The following EXOC7 variants were observed in gnomAD, a reference collection of about 807,000 sequenced individuals.
EXOC7 encodes exocyst complex component 7.
A neutral mutation model predicts 87.6 loss-of-function variants in EXOC7; 51 were observed. That is an observed-to-expected ratio of 0.58 (90% CI 0.46 to 0.73). EXOC7 has a LOEUF of 0.73. EXOC7 is among the 30% of genes least tolerant of loss of function. The pLI, the probability that EXOC7 is intolerant of heterozygous loss-of-function variation, is 0.00. For missense variants in EXOC7, 744 were observed against 888.4 expected, an observed-to-expected ratio of 0.84 and a Z score of 2.07; for synonymous variants, 327 against 357.1, an observed-to-expected ratio of 0.92 and a Z score of 0.95.
At chr17:76,096,568 CTTCCT>C (rs2067766453) in intron 5 of EXOC7, among the ~76,000 whole-genome samples, 1 of 138,526 alleles carries the variant, frequency 7.2e-6, no homozygotes, top group Admixed American at 7.2e-5. Flanking sequence ...GTTTTTCTTT[CTTCCT>C]TTCTTTTTTT....
rs567127929 is a variant in EXOC7, at chr17:76,085,233, C to G, written c.1712+81G>C. ...GGACAGGAGTTCCCCGTGACCGACT[C>G]TGTGTCCTGAGGTGCTGAGAAGGAA... On this transcript the variant is annotated intron_variant, in intron 15 of 18. Coordinates refer to ENST00000589210, the MANE Select transcript of EXOC7 (RefSeq NM_001013839.4). 166 of 1,174,068 alleles carry G rather than the reference C, an allele frequency of 1.4e-4. 1 individual carries two copies. In the African/African-American group the frequency reaches 1.9e-3, roughly 14 times the overall value. 72.7% of individuals were successfully genotyped at this position (1,174,068 alleles called of 1,614,324 possible). A position where few individuals can be genotyped will look rare whatever the true frequency, so the allele number is the denominator to read the frequency against.
chr17:76,081,112 A>C lies in EXOC7; in HGVS notation c.*2536T>G. 1 of 894,982 alleles carries C rather than the reference A, an allele frequency of 1.1e-6. No homozygotes were observed. The highest frequency in any genetic ancestry group is 1.7e-6 in the Non-Finnish European group (1 of 583,568). 55.4% of individuals were successfully genotyped at this position (894,982 alleles called of 1,614,324 possible). A position where few individuals can be genotyped will look rare whatever the true frequency, so the allele number is the denominator to read the frequency against. On this transcript the variant is annotated 3_prime_UTR_variant, in exon 19 of 19. Coordinates refer to ENST00000589210, the MANE Select transcript of EXOC7 (RefSeq NM_001013839.4). ...ACTGGAGACAATTTGGGATGTTGCA[A>C]AACAAGGTTTGGGAAGCCCTTCTAT...
chr17:76,084,166 A>G (rs368760014), intron 17 of EXOC7, 27 bp from the exon 18 acceptor site: 4 of 1,592,982 alleles, frequency 2.5e-6, no homozygotes, highest in Non-Finnish European at 3.4e-6. Flanking sequence ...TGAAAAAGGA[A>G]GGCACCCAGA....
intron 5 of EXOC7, among the ~76,000 whole-genome samples, chr17:76,096,620 C>T (rs1028649161): frequency 6.6e-6 from 1 of 151,532 alleles, no homozygotes; most frequent in Admixed American, 6.6e-5. Context: ...CAGGCTGGAG[C>T]GCAATAGTGC....
chr17:76,086,007 G>A, intron 13 of EXOC7, 73 bp downstream of exon 13: 2 of 1,571,000 alleles, frequency 1.3e-6, no homozygotes, highest in Non-Finnish European at 1.7e-6. Flanking sequence ...TAGCCAGAGA[G>A]CACAGACAGA....
chr17:76,095,437 G>C (rs754157165), intron 5 of EXOC7, among the ~76,000 whole-genome samples: 6 of 152,170 alleles, frequency 3.9e-5, no homozygotes, highest in Non-Finnish European at 5.9e-5. Flanking sequence ...CCCAGCCCTA[G>C]TTGTAAGTTT....
Position 76,082,475 on chromosome 17 carries a change from G to T in EXOC7, c.*1173C>A, listed in dbSNP as rs749010550. The stretch of plus-strand genomic sequence containing the variant: ...TCTCTCCCCACAGAGCCCTCCAGAG[G>T]AGTAAAGGGGTCACAGAGAAGCTGG... On this transcript the variant is annotated 3_prime_UTR_variant, in exon 19 of 19. Coordinates refer to ENST00000589210, the MANE Select transcript of EXOC7 (RefSeq NM_001013839.4). The T allele has an allele frequency of 1.2e-6, 2 of 1,612,222 alleles. No individual in the cohort carries two copies. The highest frequency in any genetic ancestry group is 1.7e-5 in the Admixed American group (1 of 59,922).
chr17:76,082,840 T>A lies in EXOC7; in HGVS notation c.*808A>T, dbSNP rs755266564. Reference sequence around the variant, plus strand: ...CAAGGGTCAGTCTTCAATCTCGTCCTAAATAGGTGGGGCCCTATTTTTTGC... The same window carrying A: ...CAAGGGTCAGTCTTCAATCTCGTCCAAAATAGGTGGGGCCCTATTTTTTGC... On this transcript the variant is annotated 3_prime_UTR_variant, in exon 19 of 19. Coordinates refer to ENST00000589210, the MANE Select transcript of EXOC7 (RefSeq NM_001013839.4). The A allele has an allele frequency of 4.5e-5, 23 of 509,782 alleles. No individual in the cohort carries two copies. The highest frequency in any genetic ancestry group is 7.0e-5 in the Non-Finnish European group (22 of 315,020). The allele number at this position is 509,782 out of a possible 1,614,324, so 31.6% of individuals were successfully genotyped here. A position where few individuals can be genotyped will look rare whatever the true frequency, so the allele number is the denominator to read the frequency against.
At position 76,088,525 on chromosome 17, in the gene EXOC7, A is replaced by G; in HGVS notation, c.1238T>C (p.Leu413Pro). ...AASTKNKLPG[L>P]ITSMETIGAK... ...ACCGATGGTCTCCATGGATGTGATG[A>G]GGCCAGGCAGCTTGTTCTTTGTGCT... is the stretch of plus-strand genomic sequence containing the variant. The change falls in exon 10 of 19, where the codon CTC (leucine) becomes CCC (proline). Residue 413 changes from leucine (L) to proline (P), a missense_variant. Coordinates refer to ENST00000589210, the MANE Select transcript of EXOC7 (RefSeq NM_001013839.4). 1 of 1,613,962 alleles carries G rather than the reference A, an allele frequency of 6.2e-7. No individual in the cohort carries two copies. Among genetic ancestry groups the G allele is most frequent in the Non-Finnish European group, 8.5e-7 (1 of 1,179,968 alleles).
intron 2 of EXOC7, 39 bp from the exon 3 acceptor site, chr17:76,101,902 G>A (rs2068082222): frequency 1.3e-6 from 2 of 1,558,326 alleles, no homozygotes; most frequent in African/African-American, 2.7e-5. Flanking sequence ...GACTCACAGT[G>A]GTCCCAGCAC....
intron 7 of EXOC7, among the ~76,000 whole-genome samples, chr17:76,090,008 G>A (rs1391914543): frequency 6.6e-6 from 1 of 152,226 alleles, no homozygotes; most frequent in African/African-American, 2.4e-5. Flanking sequence ...GGGCTCCGAG[G>A]GGATCAGAGC....
At chr17:76,094,257 G>A (rs944517506) in intron 6 of EXOC7, 157 bp downstream of exon 6, 43 of 724,308 alleles carry the variant, frequency 5.9e-5, no homozygotes, top group Middle Eastern at 8.1e-4. Context: ...CACTGGGTGG[G>A]TAGACACTTG....
intron 5 of EXOC7, 111 bp downstream of exon 5, chr17:76,097,685 C>T: frequency 2.9e-6 from 2 of 684,910 alleles, no homozygotes; most frequent in South Asian, 2.0e-5. Context: ...GCATGGGCAA[C>T]AGAGCAAGAC....
intron 6 of EXOC7, chr17:76,091,502 G>C (rs769446064): frequency 2.7e-5 from 12 of 439,392 alleles, no homozygotes; most frequent in Non-Finnish European, 4.5e-5. Context: ...AATGAAGATG[G>C]ACCAAGATCC....
Position 76,097,952 on chromosome 17 carries a change from T to C in EXOC7, c.484A>G (p.Ser162Gly), listed in dbSNP as rs1309451819. ...ATGAGCACGGGCGAGACGACCTTAC[T>C]GTGCCGCGTCATCAGGCTGCGAAAT... ...SEFRSLMTRH[S>G]KVVSPVLILD... Residue 162 changes from serine to glycine, a missense_variant, in exon 5 of 19, where the codon AGT (serine) becomes GGT (glycine). Coordinates refer to ENST00000589210, the MANE Select transcript of EXOC7 (RefSeq NM_001013839.4). 1.9e-6 allele frequency: 3 copies of C among 1,614,106 alleles called. No homozygotes were observed. The highest frequency in any genetic ancestry group is 1.7e-5 in the Admixed American group (1 of 59,994).
At chr17:76,099,756 A>G (rs2067965821) in intron 4 of EXOC7, among the ~76,000 whole-genome samples, 1 of 152,212 alleles carries the variant, frequency 6.6e-6, no homozygotes, top group African/African-American at 2.4e-5. Flanking sequence ...TCCAGAGGCC[A>G]AGTCACCATC....
At chr17:76,096,069 G>A (rs2457693) in intron 5 of EXOC7, among the ~76,000 whole-genome samples, 73,885 of 151,958 alleles carry the variant, frequency 0.49, 18,472 homozygotes, top group South Asian at 0.67. Context: ...CTTCTGCCGA[G>A]CTGTCATCAG....
rs1017902210 is a variant in EXOC7, at chr17:76,086,115, G to C, written c.1460C>G (p.Ser487Cys). ...ETSSSATSYS[S>C]EFSKRLLSTY... is the part of the protein sequence containing the mutation. ...GCTTAGCAGCCGCTTGCTGAACTCA[G>C]AGCTGTAGCTGGTGGCCGAAGAGCT... The change falls in exon 13 of 19, where the codon TCT becomes TGT. Residue 487 changes from serine (S) to cysteine (C), a missense_variant. Physicochemically the swap from Ser to Cys is moderately radical, Grantham distance 112. Transcript: ENST00000589210. 1.2e-6 allele frequency: 2 copies of C among 1,613,936 alleles called. No homozygotes were observed. Among genetic ancestry groups the C allele is most frequent in the Admixed American group, 1.7e-5 (1 of 60,018 alleles).
intron 12 of EXOC7, 57 bp from the exon 13 acceptor site, chr17:76,086,202 C>T: frequency 6.5e-7 from 1 of 1,543,246 alleles, no homozygotes; most frequent in Non-Finnish European, 8.9e-7. Flanking sequence ...CTCAACGGCC[C>T]TTCCCCCAGG....
Sources: allele counts gnomAD v4.1 joint callset (sites outside exome capture counted in the v4.1 genomes callset), GRCh38; gene constraint gnomAD v4.1.1; transcripts MANE v1.5; gene names NCBI Gene and HGNC (gene_info 2026-07-23, HGNC 2026-07-21).